The following ADGRB3 variants were observed in gnomAD, a reference collection of about 807,000 sequenced individuals.
The protein encoded by ADGRB3 is adhesion G protein-coupled receptor B3.
A neutral mutation model predicts 193.4 loss-of-function variants in ADGRB3; 37 were observed. The observed-to-expected ratio is 0.19, with a 90% CI of 0.15 to 0.25. The LOEUF is 0.25. ADGRB3 is among the 10% of genes least tolerant of loss of function. ADGRB3 has a pLI of 1.00. For synonymous variants in ADGRB3, 690 were observed against 644.2 expected (o/e 1.07, Z -1.08); for missense variants, 1,637 against 1,852.9 (o/e 0.88, Z 2.14).
chr6:69,177,901 A>C (rs1379327129), intron 17 of ADGRB3, among the ~76,000 whole-genome samples: 2 of 152,154 alleles, frequency 1.3e-5, no homozygotes, highest in African/African-American at 4.8e-5. Context: ...GATGAGGAAA[A>C]TGTATATTCT....
At chr6:68,783,052 C>T (rs1309139029) in intron 3 of ADGRB3, among the ~76,000 whole-genome samples, 2 of 146,222 alleles carry the variant, frequency 1.4e-5, no homozygotes, top group Middle Eastern at 3.4e-3. Context: ...AGATTTACTA[C>T]CAGCTAATAT....
Position 69,171,013 on chromosome 6 carries a change from T to G in ADGRB3, c.2481-62277T>G, listed in dbSNP as rs114887096. Among the ~76,000 whole-genome samples the G allele has an allele frequency of 5.0e-3, 756 of 152,318 alleles. 10 individuals are homozygous for G. Among genetic ancestry groups the G allele is most frequent in the African/African-American group, 0.017 (724 of 41,572 alleles). On this transcript the variant is annotated intron_variant, in intron 17 of 31. Coordinates refer to ENST00000370598, the MANE Select transcript of ADGRB3 (RefSeq NM_001704.3). ...AAAAAGAAAAAAGTTATTTTAAAAT[T>G]TAGTAATTGTAACTCTAATAATATA...
intron 28 of ADGRB3, among the ~76,000 whole-genome samples, chr6:69,357,795 T>C (rs1323953478): frequency 6.6e-6 from 1 of 151,906 alleles, no homozygotes; most frequent in Non-Finnish European, 1.5e-5. Flanking sequence ...AATCACTATC[T>C]CCTGTTGAAA....
At chr6:69,269,053 C>A (rs889075017) in intron 20 of ADGRB3, among the ~76,000 whole-genome samples, 2 of 152,076 alleles carry the variant, frequency 1.3e-5, no homozygotes, top group African/African-American at 4.8e-5. Context: ...CTATACTAAG[C>A]ATTTTATATA....
intron 29 of ADGRB3, among the ~76,000 whole-genome samples, chr6:69,371,162 A>C (rs1240466587): frequency 2.6e-5 from 4 of 152,098 alleles, no homozygotes; most frequent in Admixed American, 2.6e-4. Flanking sequence ...TTATTTCAGG[A>C]ATTTTTCACT....
At chr6:69,149,512 C>T (rs953611963) in intron 17 of ADGRB3, among the ~76,000 whole-genome samples, 2 of 152,010 alleles carry the variant, frequency 1.3e-5, no homozygotes, top group African/African-American at 2.4e-5. Context: ...TGAAAGGTCC[C>T]GTATCTCTGT....
At position 68,791,456 on chromosome 6, in the gene ADGRB3, C is replaced by T. The variant is rs540233592; in HGVS notation, c.758-139103C>T. ...TCTTTTATTGCTTTTTATTTTTGCTCTTTTTCTTGTTGTTTCTGTGGAACT... is the reference window on the plus strand; with the variant it reads ...TCTTTTATTGCTTTTTATTTTTGCTTTTTTTCTTGTTGTTTCTGTGGAACT... On this transcript the variant is annotated intron_variant, in intron 3 of 31. Coordinates refer to ENST00000370598, the MANE Select transcript of ADGRB3 (RefSeq NM_001704.3). Among the ~76,000 whole-genome samples the T allele has an allele frequency of 4.6e-5, 7 of 152,110 alleles. 1 individual carries two copies. In the East Asian group the frequency reaches 1.4e-3, roughly 29 times the overall value.
intron 3 of ADGRB3, among the ~76,000 whole-genome samples, chr6:68,893,772 C>G (rs1424329669): frequency 6.6e-6 from 1 of 151,478 alleles, no homozygotes. Flanking sequence ...AGTTTTTTGC[C>G]AATATATAGT....
intron 3 of ADGRB3, among the ~76,000 whole-genome samples, chr6:68,657,032 C>T (rs563396356): frequency 7.3e-5 from 11 of 151,438 alleles, no homozygotes; most frequent in Middle Eastern, 3.4e-3. Flanking sequence ...ATAATGACTT[C>T]GATTTTATTC....
rs1208790675 is a variant in ADGRB3 at position 68,772,894 on chromosome 6, AATATATATATAT to A, written c.757+133490_757+133501del. ...ACAAACAAACAAACAAAAAAAAAAA[AATATATATATAT>A]ATATATATATATATATATATATATA... On this transcript the variant is annotated intron_variant, in intron 3 of 31. Transcript: ENST00000370598. 6.6e-3 allele frequency among the ~76,000 whole-genome samples: 150 copies of A among 22,876 alleles called. 5 individuals are homozygous for A. Among genetic ancestry groups the A allele is most frequent in the East Asian group, 0.016 (5 of 318 alleles). The allele number at this position is 22,876 out of a possible 152,430, so 15.0% of individuals were successfully genotyped here.
intron 15 of ADGRB3, among the ~76,000 whole-genome samples, chr6:69,060,814 GAC>G (rs1330196886): frequency 1.3e-5 from 2 of 151,962 alleles, no homozygotes; most frequent in African/African-American, 4.8e-5. Flanking sequence ...CTCTGGTAAT[GAC>G]AGGTGGATAT....
chr6:69,231,914 G>A (rs1247526999), intron 17 of ADGRB3, among the ~76,000 whole-genome samples: 1 of 152,178 alleles, frequency 6.6e-6, no homozygotes, highest in East Asian at 1.9e-4. Flanking sequence ...AAAGGATGGT[G>A]TGAATTATAT....
intron 5 of ADGRB3, among the ~76,000 whole-genome samples, chr6:68,937,761 G>C (rs1438973552): frequency 6.6e-6 from 1 of 152,142 alleles, no homozygotes; most frequent in African/African-American, 2.4e-5. Flanking sequence ...ATATGCAAAG[G>C]GGTCCATTAA....
At chr6:69,248,512 A>T (rs1160372790) in intron 20 of ADGRB3, among the ~76,000 whole-genome samples, 2 of 152,208 alleles carry the variant, frequency 1.3e-5, no homozygotes, top group Non-Finnish European at 2.9e-5. Flanking sequence ...TCAGTACGAC[A>T]TTGGAATGGT....
At chr6:69,328,299 C>T (rs747740426) in intron 22 of ADGRB3, among the ~76,000 whole-genome samples, 2 of 152,012 alleles carry the variant, frequency 1.3e-5, no homozygotes, top group Non-Finnish European at 2.9e-5. Flanking sequence ...TTCAAGTTTT[C>T]TTGCTATGTT....
chr6:69,380,460 T>C (rs1208577980), intron 30 of ADGRB3, among the ~76,000 whole-genome samples: 1 of 151,888 alleles, frequency 6.6e-6, no homozygotes, highest in African/African-American at 2.4e-5. Context: ...TGGCATCAAC[T>C]CTCTTAGAAG....
chr6:69,074,799 C>T (rs1306494210), intron 16 of ADGRB3, among the ~76,000 whole-genome samples: 1 of 152,098 alleles, frequency 6.6e-6, no homozygotes, highest in Non-Finnish European at 1.5e-5. Flanking sequence ...CCCTCCTTGG[C>T]CTCCCAAAGT....
chr6:69,212,174 A>AGATGTTTT (rs1301181344), intron 17 of ADGRB3, among the ~76,000 whole-genome samples: 3 of 152,202 alleles, frequency 2.0e-5, no homozygotes, highest in Admixed American at 2.0e-4. Context: ...ATTCGAAAAA[A>AGATGTTTT]CATCAAAACT....
chr6:69,227,665 G>T (rs1417359653), intron 17 of ADGRB3, among the ~76,000 whole-genome samples: 1 of 152,100 alleles, frequency 6.6e-6, no homozygotes, highest in Non-Finnish European at 1.5e-5. Flanking sequence ...TTTTGTTCAT[G>T]TGTCTTCTAC....
Sources: allele counts gnomAD v4.1 joint callset (sites outside exome capture counted in the v4.1 genomes callset), GRCh38; gene constraint gnomAD v4.1.1; transcripts MANE v1.5; gene names NCBI Gene and HGNC (gene_info 2026-07-23, HGNC 2026-07-21).